The following MAP7 variants were observed in gnomAD, a reference collection of about 807,000 sequenced individuals.
MAP7 encodes microtubule associated protein 7, also known as ensconsin.
In MAP7, 52 loss-of-function variants were observed where a neutral mutation model predicts 94.8. That is an observed-to-expected ratio of 0.55 (90% CI 0.44 to 0.69). The LOEUF (loss-of-function observed/expected upper bound fraction) is 0.69. MAP7 is among the 30% of genes least tolerant of loss of function. The pLI is 0.00. For synonymous variants in MAP7, 350 were observed against 357.0 expected (o/e 0.98, Z 0.22); for missense variants, 940 against 964.6 (o/e 0.97, Z 0.34).
intron 1 of MAP7, among the ~76,000 whole-genome samples, chr6:136,479,742 C>T (rs72979503): frequency 0.029 from 4,338 of 152,148 alleles, 100 homozygotes; most frequent in Middle Eastern, 0.041. Context: ...AGAAAGTAAT[C>T]CCATTTACAA....
chr6:136,413,337 AC>A (rs1408972387), intron 2 of MAP7, among the ~76,000 whole-genome samples: 3 of 152,112 alleles, frequency 2.0e-5, no homozygotes, highest in Non-Finnish European at 1.5e-5. Context: ...AGCCTGGCCA[AC>A]ATGGCAAAAC....
chr6:136,514,306 C>T (rs183224190), intron 1 of MAP7, among the ~76,000 whole-genome samples: 2 of 152,172 alleles, frequency 1.3e-5, no homozygotes, highest in South Asian at 2.1e-4. Context: ...TCCTTGTGGC[C>T]GGGTGCAGTG....
chr6:136,469,326 T>C (rs1193122463), intron 1 of MAP7, among the ~76,000 whole-genome samples: 4 of 151,912 alleles, frequency 2.6e-5, no homozygotes, highest in Non-Finnish European at 4.4e-5. Context: ...TCTTCTTCCT[T>C]CCTTCCTCCC....
At chr6:136,474,665 A>T (rs1187325826) in intron 1 of MAP7, among the ~76,000 whole-genome samples, 1 of 152,038 alleles carries the variant, frequency 6.6e-6, no homozygotes, top group Admixed American at 6.6e-5. Flanking sequence ...GTTTCTCTAT[A>T]TTTTATGTAG....
At position 136,411,622 on chromosome 6, in the gene MAP7, A is replaced by T. The variant is rs145816831; in HGVS notation, c.242T>A (p.Leu81Gln). 31 of 1,558,866 alleles carry T rather than the reference A, an allele frequency of 2.0e-5. No homozygotes were observed. Among genetic ancestry groups the T allele is most frequent in the Admixed American group, 1.7e-4 (9 of 52,564 alleles). Residue 81 changes from leucine (L) to glutamine (Q), a missense_variant and splice_region_variant, in exon 3 of 18, where the codon CTA (leucine) becomes CAA (glutamine). Coordinates refer to ENST00000354570, the MANE Select transcript of MAP7 (RefSeq NM_003980.6). ...CATGGACACGGGGCCTGGGGTACCT[A>T]GCTGTTTCTCCCGTTCCTCACGTCG... ...RERREEREKQ[L>Q]AAREIVWLER...
chr6:136,513,789 G>C (rs1823955102), intron 1 of MAP7, among the ~76,000 whole-genome samples: 1 of 152,144 alleles, frequency 6.6e-6, no homozygotes, highest in Non-Finnish European at 1.5e-5. Context: ...GTGGAACATG[G>C]GCCATACAGG....
At chr6:136,481,921 T>C (rs1812958310) in intron 1 of MAP7, among the ~76,000 whole-genome samples, 1 of 152,210 alleles carries the variant, frequency 6.6e-6, no homozygotes, top group Non-Finnish European at 1.5e-5. Context: ...TTTTTTAAAA[T>C]TATTAACATT....
intron 1 of MAP7, among the ~76,000 whole-genome samples, chr6:136,525,125 C>T (rs1827465176): frequency 6.6e-6 from 1 of 152,228 alleles, no homozygotes; most frequent in Non-Finnish European, 1.5e-5. Flanking sequence ...CACAGGCTCT[C>T]AAGAAGCTGG....
chr6:136,363,489 A>G (rs543439082), intron 10 of MAP7, among the ~76,000 whole-genome samples: 1 of 152,258 alleles, frequency 6.6e-6, no homozygotes, highest in Non-Finnish European at 1.5e-5. Flanking sequence ...CTCGGCCATC[A>G]TGATGCTCTA....
Position 136,360,774 on chromosome 6 carries a change from C to T in MAP7, c.1726G>A (p.Glu576Lys). The stretch of plus-strand genomic sequence containing the variant: ...TCCTGCCGGACCCTCTCTGCTTCTT[C>T]ACGAACGCGAGCTTCTTCTTCTTTC... The part of the protein sequence containing the change: ...RQKEEEARVR[E>K]EAERVRQERE... Residue 576 changes from glutamate (E) to lysine (K), a missense_variant, in exon 13 of 18, where the codon GAA (glutamate) becomes AAA (lysine). Glu to Lys is a moderately conservative substitution (Grantham distance 56, BLOSUM62 1). Transcript: ENST00000354570. The T allele has an allele frequency of 6.2e-7, 1 of 1,613,926 alleles. No homozygotes were observed.
chr6:136,466,607 A>G (rs1807173961), intron 1 of MAP7, among the ~76,000 whole-genome samples: 1 of 152,010 alleles, frequency 6.6e-6, no homozygotes, highest in East Asian at 1.9e-4. Flanking sequence ...AAGGACATTA[A>G]AACAATGATT....
At chr6:136,425,528 C>T (rs1792886763) in intron 1 of MAP7, among the ~76,000 whole-genome samples, 1 of 152,090 alleles carries the variant, frequency 6.6e-6, no homozygotes, top group Admixed American at 6.6e-5. Context: ...AAAAGAGTTA[C>T]CATATCAGGC....
intron 1 of MAP7, among the ~76,000 whole-genome samples, chr6:136,425,671 T>C (rs1319424543): frequency 1.3e-5 from 2 of 152,148 alleles, no homozygotes; most frequent in Non-Finnish European, 2.9e-5. Context: ...CCAATGTGAT[T>C]TATAAAATTT....
At chr6:136,454,789 C>T (rs1331264514) in intron 1 of MAP7, among the ~76,000 whole-genome samples, 1 of 152,014 alleles carries the variant, frequency 6.6e-6, no homozygotes, top group Non-Finnish European at 1.5e-5. Context: ...CTCACAGCTA[C>T]TTGGGAGGCT....
chr6:136,343,503 A>T lies in MAP7; in HGVS notation c.*725T>A, dbSNP rs1203884225. 1 of 152,646 alleles carries T rather than the reference A, an allele frequency of 6.6e-6. No individual in the cohort carries two copies. Among genetic ancestry groups the T allele is most frequent in the Non-Finnish European group, 1.5e-5 (1 of 68,030 alleles). The allele number at this position is 152,646 out of a possible 1,614,324, so 9.5% of individuals were successfully genotyped here. A position where few individuals can be genotyped will look rare whatever the true frequency, so the allele number is the denominator to read the frequency against. ...CAAATTAAATTTGTAATGTTGTCACATTATTCTAATTTATTTGATTAGTTT... is the reference window on the plus strand; with the variant it reads ...CAAATTAAATTTGTAATGTTGTCACTTTATTCTAATTTATTTGATTAGTTT... On this transcript the variant is annotated 3_prime_UTR_variant, in exon 18 of 18. Coordinates refer to ENST00000354570, the MANE Select transcript of MAP7 (RefSeq NM_003980.6).
In MAP7 at chr6:136,382,928, C is replaced by T. The variant is rs369726159; in HGVS notation, c.637+743G>A. Among the ~76,000 whole-genome samples, 76 of 152,212 alleles carry T rather than the reference C, an allele frequency of 5.0e-4. 1 individual carries two copies. The South Asian group carries it at 8.5e-3, about 17-fold the overall frequency. On this transcript the variant is annotated intron_variant, in intron 6 of 17. Transcript: ENST00000354570. ...TAAAATCATCTTAGTTATGTAAAAA[C>T]AAGCAGCTTATCTTAAAAGCTTGAT...
chr6:136,402,136 C>T (rs531672764), intron 3 of MAP7, among the ~76,000 whole-genome samples: 3 of 152,208 alleles, frequency 2.0e-5, no homozygotes, highest in Non-Finnish European at 4.4e-5. Context: ...GAAGCTCCTT[C>T]CTCTGAGGAG....
At chr6:136,377,242 TACTCCACA>T (rs1776441791) in intron 7 of MAP7, among the ~76,000 whole-genome samples, 2 of 152,224 alleles carry the variant, frequency 1.3e-5, no homozygotes, top group South Asian at 4.1e-4. Flanking sequence ...ACAATTAGCC[TACTCCACA>T]ACTCTGAGAG....
At chr6:136,350,196 G>A (rs1336907564) in intron 16 of MAP7, among the ~76,000 whole-genome samples, 1 of 152,056 alleles carries the variant, frequency 6.6e-6, no homozygotes, top group African/African-American at 2.4e-5. Context: ...CATGTTCTTT[G>A]GCAGGGACCC....
Sources: gnomAD v4.1 joint callset for allele counts (sites outside exome capture counted in the v4.1 genomes callset) on GRCh38, gnomAD v4.1.1 for gene constraint, MANE v1.5 for transcripts, NCBI Gene and HGNC (gene_info 2026-07-23, HGNC 2026-07-21) for gene names.